The following CADPS variants were observed in gnomAD, a reference collection of about 807,000 sequenced individuals.
CADPS encodes calcium dependent secretion activator.
Under a neutral mutation model 167.3 loss-of-function variants are expected in CADPS, and 57 were observed. That is an observed-to-expected ratio of 0.34 (90% CI 0.28 to 0.42). The LOEUF (loss-of-function observed/expected upper bound fraction) is 0.42, where lower values mean the gene tolerates loss of function less well. Ranked by LOEUF, CADPS falls within the 20% of genes least tolerant of loss-of-function variation. CADPS has a pLI of 1.00. For synonymous variants in CADPS, 676 were observed against 635.3 expected (o/e 1.06, Z -0.96); for missense variants, 1,414 against 1,738.1 (o/e 0.81, Z 3.32).
intron 17 of CADPS, among the ~76,000 whole-genome samples, chr3:62,511,787 A>G (rs2067893747): frequency 6.6e-6 from 1 of 152,134 alleles, no homozygotes; most frequent in Admixed American, 6.6e-5. Context: ...ACCCATTTGC[A>G]TGTATACTCC....
intron 3 of CADPS, among the ~76,000 whole-genome samples, chr3:62,697,049 A>T (rs1353340687): frequency 6.6e-6 from 1 of 152,114 alleles, no homozygotes; most frequent in Non-Finnish European, 1.5e-5. Flanking sequence ...CAAAGACTTG[A>T]GTGCAAATCT....
intron 3 of CADPS, among the ~76,000 whole-genome samples, chr3:62,734,405 T>C (rs2078568299): frequency 6.6e-6 from 1 of 152,190 alleles, no homozygotes; most frequent in Non-Finnish European, 1.5e-5. Flanking sequence ...ACATAGAACA[T>C]TTCCATCATC....
intron 10 of CADPS, among the ~76,000 whole-genome samples, chr3:62,550,642 T>G (rs957685816): frequency 6.6e-6 from 1 of 152,100 alleles, no homozygotes; most frequent in Non-Finnish European, 1.5e-5. Flanking sequence ...CCCAGATGAT[T>G]CAGATGGCGC....
intron 15 of CADPS, 113 bp from the exon 16 acceptor site, chr3:62,516,295 T>C (rs1212021826): frequency 7.5e-7 from 1 of 1,338,320 alleles, no homozygotes; most frequent in African/African-American, 1.5e-5. Context: ...TTAATAAGAT[T>C]GAGAGCCATG....
At chr3:62,739,942 A>G (rs1402484883) in intron 3 of CADPS, among the ~76,000 whole-genome samples, 1 of 152,206 alleles carries the variant, frequency 6.6e-6, no homozygotes, top group African/African-American at 2.4e-5. Flanking sequence ...CATAATGCTT[A>G]CTTATTTTAA....
chr3:62,859,490 A>G (rs1025792509), intron 1 of CADPS, among the ~76,000 whole-genome samples: 14 of 152,172 alleles, frequency 9.2e-5, no homozygotes, highest in African/African-American at 2.9e-4. Context: ...ACTAAATGGC[A>G]AATCTACAAT....
intron 13 of CADPS, among the ~76,000 whole-genome samples, chr3:62,531,372 G>T (rs1006212702): frequency 1.3e-5 from 2 of 152,098 alleles, no homozygotes; most frequent in African/African-American, 2.4e-5. Context: ...GCAAATAAAA[G>T]GTCACGTGCT....
At chr3:62,740,189 T>C (rs2079899617) in intron 3 of CADPS, among the ~76,000 whole-genome samples, 3 of 152,222 alleles carry the variant, frequency 2.0e-5, no homozygotes, top group African/African-American at 7.2e-5. Context: ...GTTTCATTTG[T>C]ATCACGCAGA....
intron 1 of CADPS, among the ~76,000 whole-genome samples, chr3:62,857,486 A>G (rs1472835699): frequency 6.6e-6 from 1 of 152,120 alleles, no homozygotes; most frequent in Non-Finnish European, 1.5e-5. Flanking sequence ...AAATCAATAC[A>G]ACCAGTTAAA....
At chr3:62,721,696 T>G (rs974418816) in intron 3 of CADPS, among the ~76,000 whole-genome samples, 2 of 152,214 alleles carry the variant, frequency 1.3e-5, no homozygotes, top group African/African-American at 4.8e-5. Flanking sequence ...TTTAAATAAT[T>G]TATATGACAA....
chr3:62,522,955 G>A (rs963033335), intron 13 of CADPS, among the ~76,000 whole-genome samples: 1 of 152,118 alleles, frequency 6.6e-6, no homozygotes, highest in Non-Finnish European at 1.5e-5. Context: ...AGACTATATC[G>A]CATCTGACAC....
At chr3:62,488,678 T>G (rs2063213968) in intron 21 of CADPS, among the ~76,000 whole-genome samples, 1 of 151,874 alleles carries the variant, frequency 6.6e-6, no homozygotes, top group African/African-American at 2.4e-5. Flanking sequence ...TTTGTAGAGA[T>G]GGAGTCTGGT....
chr3:62,681,664 G>GT, intron 3 of CADPS, among the ~76,000 whole-genome samples: 1 of 151,964 alleles, frequency 6.6e-6, no homozygotes, highest in East Asian at 1.9e-4. Context: ...GATTTTTGTT[G>GT]TTTGACACGT....
In CADPS at chr3:62,516,068, T is replaced by C; in HGVS notation, c.2572A>G (p.Lys858Glu). Residue 858 changes from lysine (K) to glutamate (E), a missense_variant, in exon 16 of 30, where the codon AAA (lysine) becomes GAA (glutamate). Around this residue, in one of 6 missense-constraint regions of CADPS, gnomAD observed 529 missense variants for 629.6 expected, o/e 0.84. Coordinates refer to ENST00000383710, the MANE Select transcript of CADPS (RefSeq NM_003716.4). ...CAGAAGGGAGCCTTACCTTCGATTT[T>C]GGCATACTCTGAGAGCCGAGAATAG... ...VNYSRLSEYA[K>E]IEENQKDAEN... is the part of the protein sequence containing the mutation. The C allele has an allele frequency of 6.2e-7, 1 of 1,613,116 alleles. No homozygotes were observed. Among genetic ancestry groups the C allele is most frequent in the Non-Finnish European group, 8.5e-7 (1 of 1,179,318 alleles).
intron 22 of CADPS, 48 bp downstream of exon 22, chr3:62,481,675 C>G (rs2062032147): frequency 6.6e-7 from 1 of 1,512,842 alleles, no homozygotes; most frequent in African/African-American, 1.4e-5. Flanking sequence ...ATATCCATGC[C>G]AAGATCACTT....
intron 1 of CADPS, among the ~76,000 whole-genome samples, chr3:62,801,655 C>A (rs561019742): frequency 2.0e-5 from 3 of 152,100 alleles, no homozygotes; most frequent in Non-Finnish European, 4.4e-5. Context: ...ATAGTAGCTA[C>A]CACTTATTTA....
chr3:62,515,849 G>C (rs571739684), intron 16 of CADPS, among the ~76,000 whole-genome samples: 28 of 152,172 alleles, frequency 1.8e-4, no homozygotes, highest in Admixed American at 3.3e-4. Context: ...CTTACAAAGG[G>C]AACTGTAATT....
At position 62,647,290 on chromosome 3, in the gene CADPS, G is replaced by A. The variant is rs1490512100; in HGVS notation, c.1204-1447C>T. On this transcript the variant is annotated intron_variant, in intron 5 of 29. Coordinates refer to ENST00000383710, the MANE Select transcript of CADPS (RefSeq NM_003716.4). ...TACAATAGGGTTAGCATTGAACCAG[G>A]ATTCCACAAGTCACAGTTTTGCTAC... Among the ~76,000 whole-genome samples the A allele has an allele frequency of 2.0e-5, 3 of 152,178 alleles. No homozygotes were observed. The East Asian group carries it at 5.8e-4, about 29-fold the overall frequency.
chr3:62,406,564 C>T (rs923406393), intron 28 of CADPS, among the ~76,000 whole-genome samples: 13 of 152,118 alleles, frequency 8.5e-5, no homozygotes, highest in African/African-American at 2.7e-4. Flanking sequence ...TGTGGGCTGA[C>T]GACATGTACT....
Sources: gnomAD v4.1 joint callset for allele counts (sites outside exome capture counted in the v4.1 genomes callset) on GRCh38, gnomAD v4.1.1 for gene constraint, gnomAD v4.1.1 regional missense constraint, MANE v1.5 for transcripts, NCBI Gene and HGNC (gene_info 2026-07-23, HGNC 2026-07-21) for gene names.